The following PKLR variants were observed in gnomAD, a reference collection of about 807,000 sequenced individuals.
PKLR encodes pyruvate kinase L/R, also known as pyruvate kinase PKLR.
In PKLR, 38 loss-of-function variants were observed where a neutral mutation model predicts 53.6. The ratio of observed to expected loss-of-function variants is 0.71; its 90% CI spans 0.55 to 0.93. The LOEUF (loss-of-function observed/expected upper bound fraction) is 0.93. PKLR is among the 40% of genes least tolerant of loss of function. The pLI, the probability that PKLR is intolerant of heterozygous loss-of-function variation, is 0.00. For synonymous variants in PKLR, 328 were observed against 316.2 expected, an observed-to-expected ratio of 1.04 and a Z score of -0.39; for missense variants, 702 against 787.3, an observed-to-expected ratio of 0.89 and a Z score of 1.30.
Position 155,294,517 on chromosome 1 carries a change from G to A in PKLR, c.930C>T (p.Ile310=), listed in dbSNP as rs1647432625. The A allele has an allele frequency of 5.0e-6, 8 of 1,614,130 alleles. No individual in the cohort carries two copies. The highest frequency in any genetic ancestry group is 5.9e-6 in the Non-Finnish European group (7 of 1,180,056). ...ALGPEGHGIK[I]ISKIENHEGV... is the part of the protein sequence containing the mutation. ...CTTCGTGGTTCTCAATTTTGCTGATGATCTTGATGCCGTGTCCTTCCGGAC... is the reference window on the plus strand; with the variant it reads ...CTTCGTGGTTCTCAATTTTGCTGATAATCTTGATGCCGTGTCCTTCCGGAC... Residue 310 remains isoleucine (I), a synonymous_variant, in exon 6 of 11, where the codon ATC becomes ATT. Coordinates refer to ENST00000342741, the MANE Select transcript of PKLR (RefSeq NM_000298.6).
At chr1:155,304,049 G>A (rs1245971579), upstream of PKLR, among the ~76,000 whole-genome samples, 1 of 152,146 alleles carries the variant, frequency 6.6e-6, no homozygotes, top group Non-Finnish European at 1.5e-5. Context: ...GAAGATAGGG[G>A]ACCTGAGCAG....
intron 1 of PKLR, chr1:155,300,835 A>G: frequency 1.2e-6 from 2 of 1,605,916 alleles, no homozygotes; most frequent in East Asian, 2.2e-5. Context: ...AGGTCCCTGT[A>G]GCTTGACCCA....
Position 155,299,030 on chromosome 1 carries a change from CTTTCTCTTTCTTTCTTTCT to C in PKLR, c.283+1049_283+1067del, listed in dbSNP as rs1647813555. On this transcript the variant is annotated intron_variant, in intron 2 of 10. Coordinates refer to ENST00000342741, the MANE Select transcript of PKLR (RefSeq NM_000298.6). Reference sequence around the variant, plus strand: ...TCTTTCTTTCTTTCTTTCTTTCTTTCTTTCTCTTTCTTTCTTTCTTTCCTTCCTTCCTTCCTTCCTTCTT... The same window carrying C: ...TCTTTCTTTCTTTCTTTCTTTCTTTCTTCCTTCCTTCCTTCCTTCCTTCTT... 2.4e-3 allele frequency among the ~76,000 whole-genome samples: 206 copies of C among 84,702 alleles called. 12 individuals carry two copies. The highest frequency in any genetic ancestry group is 8.5e-3 in the African/African-American group (148 of 17,362). 55.6% of individuals were successfully genotyped at this position (84,702 alleles called of 152,430 possible).
chr1:155,301,343 T>A lies in PKLR; in HGVS notation c.53A>T (p.Lys18Met). The change falls in exon 1 of 11, where the codon AAG becomes ATG. Residue 18 changes from lysine to methionine, a missense_variant. Coordinates refer to ENST00000342741, the MANE Select transcript of PKLR (RefSeq NM_000298.6). ...GGACTTTGCTAAGTCTCTTTGGGAC[T>A]TAGAGACCCATGACCGAAGCTGCAG... ...SSLQLRSWVSKSQRDLAKSIL... is the reference protein window; with the variant it reads ...SSLQLRSWVSMSQRDLAKSIL... The A allele has an allele frequency of 6.2e-7, 1 of 1,614,040 alleles. No individual in the cohort carries two copies. The highest frequency in any genetic ancestry group is 8.5e-7 in the Non-Finnish European group (1 of 1,179,924).
At position 155,295,025 on chromosome 1, in the gene PKLR, G is replaced by C. The variant is rs1439884342; in HGVS notation, c.694+91C>G. 7.1e-7 allele frequency: 1 copy of C among 1,398,882 alleles called. No homozygotes were observed. Among genetic ancestry groups the C allele is most frequent in the Non-Finnish European group, 1.0e-6 (1 of 1,004,120 alleles). The allele number at this position is 1,398,882 out of a possible 1,614,324, so 86.7% of individuals were successfully genotyped here. A position where few individuals can be genotyped will look rare whatever the true frequency, so the allele number is the denominator to read the frequency against. ...GGCAAAAACGCGTGGCCAGGGGAAG[G>C]TGTGATCGGTCTGAGGGCTGATGGG... On this transcript the variant is annotated intron_variant, in intron 5 of 10. Transcript: ENST00000342741. This position sits in a 1 kb window ranked among gnomAD's most constrained non-coding sequence, Gnocchi z 4.3.
chr1:155,291,905 C>T lies in PKLR; in HGVS notation c.1469G>A (p.Arg490Gln), dbSNP rs746257586. ...SAQLLSRYRP[R>Q]AAVIAVTRSA... Reference sequence around the variant, plus strand: ...GCGGGTGACAGCAATGACTGCTGCCCGAGGTCGGTACCGAGACAGAAGCTG... The same window carrying T: ...GCGGGTGACAGCAATGACTGCTGCCTGAGGTCGGTACCGAGACAGAAGCTG... The change falls in exon 10 of 11, where the codon CGG becomes CAG. Residue 490 changes from arginine to glutamine, a missense_variant. Physicochemically the swap from Arg to Gln is conservative, Grantham distance 43. Transcript: ENST00000342741. 43 of 1,613,476 alleles carry T rather than the reference C, an allele frequency of 2.7e-5. No homozygotes were observed. The Admixed American group carries it at 4.5e-4, about 17-fold the overall frequency.
In PKLR at chr1:155,295,024, G is replaced by C. The variant is rs915041254; in HGVS notation, c.694+92C>G. ...TGGCAAAAACGCGTGGCCAGGGGAA[G>C]GTGTGATCGGTCTGAGGGCTGATGG... On this transcript the variant is annotated intron_variant, in intron 5 of 10. Transcript: ENST00000342741. The surrounding 1 kb of genome is among the most constrained non-coding windows in gnomAD (Gnocchi z 4.3). 5.0e-6 allele frequency: 7 copies of C among 1,390,708 alleles called. No homozygotes were observed. The highest frequency in any genetic ancestry group is 7.0e-6 in the Non-Finnish European group (7 of 996,922). 86.1% of individuals were successfully genotyped at this position (1,390,708 alleles called of 1,614,324 possible).
the PKLR span, among the ~76,000 whole-genome samples, chr1:155,307,767 A>C: frequency 6.6e-6 from 1 of 152,160 alleles, no homozygotes; most frequent in African/African-American, 2.4e-5. Flanking sequence ...ACTTGAGGTC[A>C]GGAGTTCGAG....
At chr1:155,299,491 C>CTTTTTTTTTTTTT (rs35869567) in intron 2 of PKLR, among the ~76,000 whole-genome samples, 5 of 42,760 alleles carry the variant, frequency 1.2e-4, no homozygotes, top group African/African-American at 4.1e-4. Flanking sequence ...GCCCAGCCCA[C>CTTTTTTTTTTTTT]TTTTTTTTTT....
Position 155,300,838 on chromosome 1 carries a change from T to C in PKLR, c.100+458A>G, listed in dbSNP as rs1167821880. 6 of 1,607,266 alleles carry C rather than the reference T, an allele frequency of 3.7e-6. No homozygotes were observed. In the African/African-American group the frequency reaches 6.7e-5, roughly 18 times the overall value. ...CTACAGACACAGAGGTCCCTGTAGC[T>C]TGACCCATCCCAGTTCAGAGGAGCC... On this transcript the variant is annotated intron_variant, in intron 1 of 10. Transcript: ENST00000342741.
intron 2 of PKLR, among the ~76,000 whole-genome samples, chr1:155,296,634 C>T (rs776366164): frequency 2.0e-5 from 3 of 152,028 alleles, no homozygotes; most frequent in Admixed American, 6.6e-5. Context: ...TGTGAGTCAC[C>T]GTGCCCAGCC....
upstream of PKLR, among the ~76,000 whole-genome samples, chr1:155,305,346 C>A (rs1557968179): frequency 6.6e-6 from 1 of 152,078 alleles, no homozygotes; most frequent in African/African-American, 2.4e-5. Context: ...AGCTCCAGAG[C>A]CCGAGCTGTA....
chr1:155,295,545 G>A lies in PKLR; in HGVS notation c.399C>T (p.Asn133=), dbSNP rs749817706. The A allele has an allele frequency of 2.5e-6, 4 of 1,613,974 alleles. No individual in the cohort carries two copies. Among genetic ancestry groups the A allele is most frequent in the Middle Eastern group, 3.3e-4 (2 of 6,062 alleles). Residue 133 remains asparagine (N), a synonymous_variant, in exon 4 of 11, where the codon AAC becomes AAT. Transcript: ENST00000342741. The surrounding 1 kb of genome is among the most constrained non-coding windows in gnomAD (Gnocchi z 4.3). The part of the protein sequence containing the change: ...SHEYHAESIA[N]VREAVESFAG... Reference sequence around the variant, plus strand: ...CAAAGCTCTCCACCGCCTCCCGGACGTTGGCGATGGACTCAGCATGGTACT... The same window carrying A: ...CAAAGCTCTCCACCGCCTCCCGGACATTGGCGATGGACTCAGCATGGTACT...
At position 155,300,156 on chromosome 1, in the gene PKLR, T is replaced by C. The variant is rs1647903502; in HGVS notation, c.225A>G (p.Leu75=). 2 of 1,613,996 alleles carry C rather than the reference T, an allele frequency of 1.2e-6. No individual in the cohort carries two copies. The highest frequency in any genetic ancestry group is 1.7e-6 in the Non-Finnish European group (2 of 1,180,000). The change falls in exon 2 of 11, where the codon CTA becomes CTG. Residue 75 remains leucine (L), a synonymous_variant. Coordinates refer to ENST00000342741, the MANE Select transcript of PKLR (RefSeq NM_000298.6). ...MADTFLEHLC[L]LDIDSEPVAA... is the part of the protein sequence containing the mutation. The stretch of plus-strand genomic sequence containing the variant: ...CCACGGGCTCGGAGTCAATGTCCAG[T>C]AGGCAGAGGTGTTCCAGGAAGGTGT...
chr1:155,307,273 G>A, the PKLR span, among the ~76,000 whole-genome samples: 1 of 152,152 alleles, frequency 6.6e-6, no homozygotes, highest in East Asian at 1.9e-4. Flanking sequence ...ACCGGTGACA[G>A]TACCTTATAT....
In PKLR at chr1:155,294,506, A is replaced by G. The variant is rs981505482; in HGVS notation, c.941T>C (p.Ile314Thr). ...EGHGIKIISK[I>T]ENHEGVKRFD... ...CCTCTTCACGCCTTCGTGGTTCTCA[A>G]TTTTGCTGATGATCTTGATGCCGTG... The change falls in exon 6 of 11, where the codon ATT becomes ACT. Residue 314 changes from isoleucine (I) to threonine (T), a missense_variant. By Grantham distance (89) the Ile-to-Thr change is moderately conservative (BLOSUM62 -1). Coordinates refer to ENST00000342741, the MANE Select transcript of PKLR (RefSeq NM_000298.6). 3.1e-6 allele frequency: 5 copies of G among 1,614,112 alleles called. No homozygotes were observed. In the East Asian group the frequency reaches 6.7e-5, roughly 22 times the overall value.
At chr1:155,301,128 G>T in intron 1 of PKLR, 168 bp downstream of exon 1, 9 of 1,370,226 alleles carry the variant, frequency 6.6e-6, no homozygotes, top group Non-Finnish European at 9.1e-6. Context: ...AAAAGACCCA[G>T]GCCAGGGTCC....
upstream of PKLR, among the ~76,000 whole-genome samples, chr1:155,305,349 G>A (rs1013028122): frequency 1.3e-5 from 2 of 152,122 alleles, no homozygotes; most frequent in African/African-American, 4.8e-5. Flanking sequence ...TCCAGAGCCC[G>A]AGCTGTAACC....
Position 155,295,588 on chromosome 1 carries a change from G to A in PKLR, c.376-20C>T. 2.5e-6 allele frequency: 4 copies of A among 1,614,048 alleles called. No individual in the cohort carries two copies. Among genetic ancestry groups the A allele is most frequent in the Non-Finnish European group, 3.4e-6 (4 of 1,179,992 alleles). ...ATGGTACTGGGGGAGGGAGCGGAGC[G>A]AGGGTTTCAGGGGAAGGTGGCCAGG... On this transcript the variant is annotated intron_variant, in intron 3 of 10. Coordinates refer to ENST00000342741, the MANE Select transcript of PKLR (RefSeq NM_000298.6). The surrounding 1 kb of genome is among the most constrained non-coding windows in gnomAD (Gnocchi z 4.3).
Sources: allele counts gnomAD v4.1 joint callset (sites outside exome capture counted in the v4.1 genomes callset), GRCh38; gene constraint gnomAD v4.1.1; non-coding constraint Gnocchi (gnomAD v3.1); transcripts MANE v1.5; gene names NCBI Gene and HGNC (gene_info 2026-07-23, HGNC 2026-07-21).